Variants in ATRNL1 observed in about 807,000 individuals in gnomAD.
The protein encoded by ATRNL1 is attractin like 1.
ATRNL1 carries 95 observed loss-of-function variants against 182.7 expected under a neutral mutation model. The observed-to-expected ratio is 0.52, with a 90% CI of 0.44 to 0.62. The LOEUF is 0.62. Ranked by LOEUF, ATRNL1 falls within the 20% of genes least tolerant of loss-of-function variation. The pLI, the probability that ATRNL1 is intolerant of heterozygous loss-of-function variation, is 0.00. For missense variants in ATRNL1, 1,471 were observed against 1,679.5 expected (o/e 0.88, Z 2.17); for synonymous variants, 576 against 568.3 (o/e 1.01, Z -0.19).
At chr10:115,909,231 C>T (rs1231080777) in intron 28 of ATRNL1, 2 of 151,998 alleles carry the variant, frequency 1.3e-5, no homozygotes, top group African/African-American at 4.8e-5. Flanking sequence ...ACTTGTCAGA[C>T]TCAGACCTGC....
intron 25 of ATRNL1, among the ~76,000 whole-genome samples, chr10:115,525,901 G>C (rs967994001): frequency 6.6e-6 from 1 of 151,846 alleles, no homozygotes; most frequent in Admixed American, 6.6e-5. Flanking sequence ...CTGCCAGTAC[G>C]TGCTCCCTAA....
chr10:115,303,501 G>C (rs534152349), intron 17 of ATRNL1, among the ~76,000 whole-genome samples: 2 of 152,150 alleles, frequency 1.3e-5, no homozygotes, highest in African/African-American at 4.8e-5. Context: ...GATTACAAGC[G>C]TGAGCCACCG....
chr10:115,534,888 A>T (rs1851865847), intron 25 of ATRNL1, among the ~76,000 whole-genome samples: 1 of 152,092 alleles, frequency 6.6e-6, no homozygotes, highest in Non-Finnish European at 1.5e-5. Context: ...CTGGATATGA[A>T]ATTCTGGGTT....
At chr10:115,781,301 T>A (rs1949259736) in intron 27 of ATRNL1, among the ~76,000 whole-genome samples, 2 of 152,170 alleles carry the variant, frequency 1.3e-5, no homozygotes, top group African/African-American at 4.8e-5. Context: ...TGGTCCTATA[T>A]TCTAAAGCTA....
At chr10:115,180,323 A>G (rs1452717510) in intron 8 of ATRNL1, among the ~76,000 whole-genome samples, 1 of 151,916 alleles carries the variant, frequency 6.6e-6, no homozygotes, top group Non-Finnish European at 1.5e-5. Context: ...AAAAGGTTGT[A>G]TTTATGCCAT....
chr10:115,541,561 T>C (rs1436979646), intron 25 of ATRNL1, among the ~76,000 whole-genome samples: 1 of 152,186 alleles, frequency 6.6e-6, no homozygotes, highest in Non-Finnish European at 1.5e-5. Context: ...ATGTGAACCA[T>C]ATTTATAGAA....
chr10:115,730,022 C>T (rs182015243), intron 27 of ATRNL1, among the ~76,000 whole-genome samples: 1 of 151,592 alleles, frequency 6.6e-6, no homozygotes, highest in East Asian at 1.9e-4. Flanking sequence ...TTTGGGAGGC[C>T]GAGGTGGGTA....
At chr10:115,923,948 G>C (rs782767892) in intron 28 of ATRNL1, among the ~76,000 whole-genome samples, 1 of 152,084 alleles carries the variant, frequency 6.6e-6, no homozygotes, top group Non-Finnish European at 1.5e-5. Flanking sequence ...TCACCATTCT[G>C]ACTGGTGTGA....
chr10:115,156,767 A>T (rs1846538011), intron 5 of ATRNL1, among the ~76,000 whole-genome samples: 1 of 152,176 alleles, frequency 6.6e-6, no homozygotes, highest in Non-Finnish European at 1.5e-5. Flanking sequence ...TGAGAAAAGT[A>T]ATGCAGAGAG....
intron 25 of ATRNL1, among the ~76,000 whole-genome samples, chr10:115,529,009 G>A (rs11197268): frequency 0.41 from 62,250 of 151,874 alleles, 13,332 homozygotes; most frequent in Middle Eastern, 0.53. Flanking sequence ...AAAATCTACC[G>A]AGATATAATT....
At chr10:115,772,593 C>CTCTGTGTGTGTG (rs1555076680) in intron 27 of ATRNL1, among the ~76,000 whole-genome samples, 2 of 125,618 alleles carry the variant, frequency 1.6e-5, no homozygotes, top group African/African-American at 3.2e-5. Flanking sequence ...AATATATACT[C>CTCTGTGTGTGTG]TGTCTGTGTG....
intron 26 of ATRNL1, among the ~76,000 whole-genome samples, chr10:115,588,250 C>T (rs1018927434): frequency 1.3e-5 from 2 of 152,098 alleles, no homozygotes; most frequent in Admixed American, 6.5e-5. Flanking sequence ...CAGCTCTATG[C>T]CATGGATGGT....
At chr10:115,876,322 G>A (rs1555107226) in intron 28 of ATRNL1, among the ~76,000 whole-genome samples, 1 of 152,168 alleles carries the variant, frequency 6.6e-6, no homozygotes, top group Non-Finnish European at 1.5e-5. Context: ...GCTCAAATGA[G>A]ATAATGTCTG....
intron 24 of ATRNL1, among the ~76,000 whole-genome samples, chr10:115,492,228 G>A (rs2134660593): frequency 6.6e-6 from 1 of 152,220 alleles, no homozygotes; most frequent in Non-Finnish European, 1.5e-5. Flanking sequence ...ATTTTTAACA[G>A]GATTTCTGAG....
At chr10:115,602,231 A>G (rs1253436748) in intron 26 of ATRNL1, among the ~76,000 whole-genome samples, 1 of 152,042 alleles carries the variant, frequency 6.6e-6, no homozygotes, top group Non-Finnish European at 1.5e-5. Context: ...GTGGGCACCT[A>G]TAATCCCACC....
intron 26 of ATRNL1, among the ~76,000 whole-genome samples, chr10:115,653,696 A>G (rs564985103): frequency 3.5e-4 from 53 of 152,270 alleles, no homozygotes; most frequent in African/African-American, 1.2e-3. Flanking sequence ...TGTGATGGTC[A>G]TGCTGTTATG....
intron 20 of ATRNL1, among the ~76,000 whole-genome samples, chr10:115,402,571 G>A (rs1013446559): frequency 2.2e-4 from 33 of 152,040 alleles, no homozygotes; most frequent in Non-Finnish European, 8.8e-5. Flanking sequence ...CATATAAATG[G>A]CACTCTTAGA....
At chr10:115,201,909 A>T (rs1451058938) in intron 8 of ATRNL1, among the ~76,000 whole-genome samples, 1 of 152,016 alleles carries the variant, frequency 6.6e-6, no homozygotes, top group Non-Finnish European at 1.5e-5. Flanking sequence ...TATTTCATTG[A>T]GCAGTGGTTT....
intron 19 of ATRNL1, among the ~76,000 whole-genome samples, chr10:115,353,930 AT>A (rs782616256): frequency 7.9e-5 from 12 of 152,024 alleles, no homozygotes; most frequent in Non-Finnish European, 1.8e-4. Flanking sequence ...ATCTTTTCAT[AT>A]TGTCTATCTT....
Sources: allele counts gnomAD v4.1 joint callset (sites outside exome capture counted in the v4.1 genomes callset), GRCh38; gene constraint gnomAD v4.1.1; transcripts MANE v1.5; gene names NCBI Gene and HGNC (gene_info 2026-07-23, HGNC 2026-07-21).